PDZD2: variants seen among roughly 807,000 people sequenced by gnomAD.
PDZD2 encodes the protein PDZ domain containing 2.
Under a neutral mutation model 220.7 loss-of-function variants are expected in PDZD2, and 90 were observed. That is an observed-to-expected ratio of 0.41 (90% CI 0.34 to 0.49). PDZD2 has a LOEUF of 0.49. Among genes scored for constraint, PDZD2 ranks in the 20% least tolerant of loss-of-function variants. The pLI, the probability that PDZD2 is intolerant of heterozygous loss-of-function variation, is 0.28. For missense variants in PDZD2, 3,174 were observed against 3,608.5 expected (o/e 0.88, Z 3.08); for synonymous variants, 1,375 against 1,450.5 (o/e 0.95, Z 1.18).
Position 32,048,779 on chromosome 5 carries a change from G to C in PDZD2, c.1665+95G>C, listed in dbSNP as rs1738231572. The C allele has an allele frequency of 3.1e-6, 4 of 1,283,496 alleles. No individual in the cohort carries two copies. The Admixed American group carries it at 7.9e-5, about 25-fold the overall frequency. The allele number at this position is 1,283,496 out of a possible 1,614,324, so 79.5% of individuals were successfully genotyped here. ...TACAGGCCAGGAGTGTCTGGGGCTA[G>C]AGAAGTGGGATAGAGAGAGACAGCA... On this transcript the variant is annotated intron_variant, in intron 8 of 24. Coordinates refer to ENST00000438447, the MANE Select transcript of PDZD2 (RefSeq NM_178140.4).
chr5:31,815,865 G>A (rs935778408), intron 2 of PDZD2, among the ~76,000 whole-genome samples: 2 of 152,086 alleles, frequency 1.3e-5, no homozygotes, highest in Admixed American at 6.6e-5. Context: ...TAGGCCAAGA[G>A]CATGAAATTT....
chr5:31,732,755 G>A (rs1749609596), intron 1 of PDZD2, among the ~76,000 whole-genome samples: 1 of 152,076 alleles, frequency 6.6e-6, no homozygotes. Flanking sequence ...TTGAGACAGA[G>A]CCTCACTCTG....
chr5:31,766,669 G>A (rs1420687796), intron 1 of PDZD2, among the ~76,000 whole-genome samples: 1 of 152,004 alleles, frequency 6.6e-6, no homozygotes, highest in African/African-American at 2.4e-5. Context: ...TGGGATTACA[G>A]GTGTGAGCCA....
At chr5:31,896,344 GTGTGTGTGTGTGTGTGTGTGTGTA>G (rs1460477625) in intron 2 of PDZD2, among the ~76,000 whole-genome samples, 11 of 150,880 alleles carry the variant, frequency 7.3e-5, no homozygotes, top group Non-Finnish European at 1.5e-4. Flanking sequence ...GTGTGTGTGT[GTGTGTGTGTGTGTGTGTGTGTGTA>G]TGTGTGTGTG....
At chr5:32,107,323 A>G (rs908248325) in intron 24 of PDZD2, 1 of 152,220 alleles carries the variant, frequency 6.6e-6, no homozygotes, top group Admixed American at 6.5e-5. Flanking sequence ...GAACTTGCAT[A>G]TATCAGCCAG....
chr5:31,932,210 A>G (rs1489620325), intron 2 of PDZD2, among the ~76,000 whole-genome samples: 1 of 152,176 alleles, frequency 6.6e-6, no homozygotes, highest in Non-Finnish European at 1.5e-5. Flanking sequence ...TGTGACATCA[A>G]GCATATGAAG....
At chr5:31,727,159 G>A (rs1333372053) in intron 1 of PDZD2, among the ~76,000 whole-genome samples, 1 of 152,270 alleles carries the variant, frequency 6.6e-6, no homozygotes. Flanking sequence ...CACCTCCAGC[G>A]CTGGGGATTA....
intron 10 of PDZD2, 121 bp from the exon 11 acceptor site, chr5:32,057,534 A>G: frequency 1.5e-6 from 1 of 662,026 alleles, no homozygotes; most frequent in Non-Finnish European, 2.7e-6. Flanking sequence ...AAACAATAAA[A>G]GTTATTTTAT....
At chr5:31,716,683 G>A (rs182287374) in intron 1 of PDZD2, among the ~76,000 whole-genome samples, 72 of 152,250 alleles carry the variant, frequency 4.7e-4, no homozygotes, top group African/African-American at 1.6e-3. Flanking sequence ...GGCACCTGTA[G>A]TCCCAGCTAC....
rs35229609 is a variant in PDZD2 at position 31,896,323 on chromosome 5, C to CGTGTGTGTGTGTGTGTGTGT, written c.477-86807_477-86788dup. On this transcript the variant is annotated intron_variant, in intron 2 of 24. Coordinates refer to ENST00000438447, the MANE Select transcript of PDZD2 (RefSeq NM_178140.4). Reference sequence around the variant, plus strand: ...TCATCAGATTCCTATTTGATACTCTCGTGTGTGTGTGTGTGTGTGTGTGTG... The same window carrying CGTGTGTGTGTGTGTGTGTGT: ...TCATCAGATTCCTATTTGATACTCTCGTGTGTGTGTGTGTGTGTGTGTGTGTGTGTGTGTGTGTGTGTGTG... 8.8e-5 allele frequency among the ~76,000 whole-genome samples: 12 copies of CGTGTGTGTGTGTGTGTGTGT among 136,358 alleles called. 1 individual carries two copies. The highest frequency in any genetic ancestry group is 3.0e-4 in the African/African-American group (11 of 36,694). The allele number at this position is 136,358 out of a possible 152,430, so 89.5% of individuals were successfully genotyped here.
chr5:31,865,910 C>T (rs1738187942), intron 2 of PDZD2, among the ~76,000 whole-genome samples: 1 of 150,900 alleles, frequency 6.6e-6, no homozygotes, highest in Non-Finnish European at 1.5e-5. Context: ...GGATTACAGG[C>T]GTGAGCCACC....
intron 1 of PDZD2, among the ~76,000 whole-genome samples, chr5:31,706,037 G>A (rs377319140): frequency 6.6e-6 from 1 of 152,200 alleles, no homozygotes; most frequent in East Asian, 1.9e-4. Flanking sequence ...GGGCCACAGA[G>A]CGAGACTCCA....
chr5:31,850,548 GCA>G (rs1561508590), intron 2 of PDZD2, among the ~76,000 whole-genome samples: 2 of 151,554 alleles, frequency 1.3e-5, no homozygotes, highest in African/African-American at 2.4e-5. Context: ...GATGGAGATT[GCA>G]CAGTGTTATC....
At chr5:31,916,879 G>C (rs2150374764) in intron 2 of PDZD2, among the ~76,000 whole-genome samples, 1 of 151,846 alleles carries the variant, frequency 6.6e-6, no homozygotes, top group South Asian at 2.1e-4. Context: ...CATCCTTCTG[G>C]TTTTAGTGAG....
intron 3 of PDZD2, among the ~76,000 whole-genome samples, chr5:31,990,456 G>T (rs965195185): frequency 1.3e-5 from 2 of 152,158 alleles, no homozygotes; most frequent in South Asian, 2.1e-4. Flanking sequence ...TGCCCTTTAA[G>T]CTAATGTAAA....
At chr5:31,661,794 T>TTTC (rs1745775776) in intron 1 of PDZD2, among the ~76,000 whole-genome samples, 1 of 150,888 alleles carries the variant, frequency 6.6e-6, no homozygotes, top group Non-Finnish European at 1.5e-5. Flanking sequence ...GGTTTTTTTT[T>TTTC]TTTTTCTTTT....
chr5:31,719,888 T>C (rs1400572636), intron 1 of PDZD2, among the ~76,000 whole-genome samples: 2 of 152,208 alleles, frequency 1.3e-5, no homozygotes, highest in South Asian at 2.1e-4. Context: ...AGAATTTTAG[T>C]TGCAAAACAC....
At chr5:31,936,022 T>C in intron 2 of PDZD2, 1 of 896,106 alleles carries the variant, frequency 1.1e-6, no homozygotes, top group Non-Finnish European at 1.3e-6. Flanking sequence ...ATTGGCTCCT[T>C]CTCTTACAAA....
intron 9 of PDZD2, 59 bp from the exon 10 acceptor site, chr5:32,053,710 A>G (rs937937941): frequency 2.2e-6 from 2 of 922,340 alleles, no homozygotes; most frequent in East Asian, 2.4e-5. Flanking sequence ...ACAATGGGAA[A>G]GATGCCCTCA....
Sources: gnomAD v4.1 joint callset for allele counts (sites outside exome capture counted in the v4.1 genomes callset) on GRCh38, gnomAD v4.1.1 for gene constraint, MANE v1.5 for transcripts, NCBI Gene and HGNC (gene_info 2026-07-23, HGNC 2026-07-21) for gene names.